Variants in PTPRN2 observed in about 807,000 individuals in gnomAD.
PTPRN2 encodes the protein receptor-type tyrosine-protein phosphatase N2.
PTPRN2 carries 74 observed loss-of-function variants against 118.8 expected under a neutral mutation model. The ratio of observed to expected loss-of-function variants is 0.62; its 90% CI spans 0.52 to 0.76. The LOEUF (loss-of-function observed/expected upper bound fraction) is 0.76. PTPRN2 is among the 30% of genes least tolerant of loss of function. The pLI is 0.00. For missense variants in PTPRN2, 1,481 were observed against 1,394.4 expected, an observed-to-expected ratio of 1.06 and a Z score of -0.99; for synonymous variants, 641 against 608.0, an observed-to-expected ratio of 1.05 and a Z score of -0.80.
In PTPRN2 at chr7:158,555,623, G is replaced by C. The variant is rs1189541770; in HGVS notation, c.112+31935C>G. Among the ~76,000 whole-genome samples, 1 of 152,098 alleles carries C rather than the reference G, an allele frequency of 6.6e-6. No homozygotes were observed. Among genetic ancestry groups the C allele is most frequent in the Non-Finnish European group, 1.5e-5 (1 of 68,012 alleles). Reference sequence around the variant, plus strand: ...TGTCCCCCAGACCCAGCCTCCCTCAGCTCCCATGGCAGGGTTAGGGGCACA... The same window carrying C: ...TGTCCCCCAGACCCAGCCTCCCTCACCTCCCATGGCAGGGTTAGGGGCACA... On this transcript the variant is annotated intron_variant, in intron 1 of 22. Coordinates refer to ENST00000389418, the MANE Select transcript of PTPRN2 (RefSeq NM_002847.5). The surrounding 1 kb of genome is among the most constrained non-coding windows in gnomAD (Gnocchi z 4.7).
At chr7:158,479,419 G>A (rs1004808940) in intron 2 of PTPRN2, among the ~76,000 whole-genome samples, 2 of 152,104 alleles carry the variant, frequency 1.3e-5, no homozygotes, top group Non-Finnish European at 2.9e-5. Context: ...CAGAGTGAAC[G>A]CTTCCGTTGG....
chr7:157,952,847 C>A (rs1179285631), intron 11 of PTPRN2, among the ~76,000 whole-genome samples: 1 of 152,148 alleles, frequency 6.6e-6, no homozygotes, highest in Non-Finnish European at 1.5e-5. Context: ...CAGGTGGAAA[C>A]ATTCACAGTG....
At chr7:157,551,001 G>A (rs1286695330) in intron 21 of PTPRN2, among the ~76,000 whole-genome samples, 7 of 152,158 alleles carry the variant, frequency 4.6e-5, no homozygotes, top group African/African-American at 1.4e-4. Flanking sequence ...CCCCTCCTGC[G>A]GCCATGACTG....
At position 157,595,936 on chromosome 7, in the gene PTPRN2, G is replaced by A. The variant is rs565987456; in HGVS notation, c.2419-621C>T. ...AGTAGCCCAAGGAGGGCAGGCAGCCGTTGTTAGCCCACTCAGCAGGTGCGA... is the reference window on the plus strand; with the variant it reads ...AGTAGCCCAAGGAGGGCAGGCAGCCATTGTTAGCCCACTCAGCAGGTGCGA... On this transcript the variant is annotated intron_variant, in intron 16 of 22. Transcript: ENST00000389418. 5.3e-5 allele frequency among the ~76,000 whole-genome samples: 8 copies of A among 152,328 alleles called. No individual in the cohort carries two copies. In the East Asian group the frequency reaches 5.8e-4, roughly 11 times the overall value.
At chr7:158,019,469 G>A (rs1806705955) in intron 11 of PTPRN2, among the ~76,000 whole-genome samples, 2 of 152,254 alleles carry the variant, frequency 1.3e-5, no homozygotes, top group African/African-American at 2.4e-5. Flanking sequence ...CGCGGTAGAG[G>A]CCAGGGATGG....
In PTPRN2 at chr7:157,785,790, G is replaced by C. The variant is rs1173799638; in HGVS notation, c.1789-102853C>G. On this transcript the variant is annotated intron_variant, in intron 12 of 22. Coordinates refer to ENST00000389418, the MANE Select transcript of PTPRN2 (RefSeq NM_002847.5). This position sits in a 1 kb window ranked among gnomAD's most constrained non-coding sequence, Gnocchi z 7.3. ...CACAGTCTAGCAGCTGCCACGCCCGGCTGGGAGCTGAGACGCGCAGGGGGC... is the reference window on the plus strand; with the variant it reads ...CACAGTCTAGCAGCTGCCACGCCCGCCTGGGAGCTGAGACGCGCAGGGGGC... Among the ~76,000 whole-genome samples the C allele has an allele frequency of 6.6e-6, 1 of 152,172 alleles. No homozygotes were observed. Among genetic ancestry groups the C allele is most frequent in the Non-Finnish European group, 1.5e-5 (1 of 68,022 alleles).
chr7:157,779,578 G>A lies in PTPRN2; in HGVS notation c.1789-96641C>T, dbSNP rs73165846. Among the ~76,000 whole-genome samples, 900 of 152,284 alleles carry A rather than the reference G, an allele frequency of 5.9e-3. 7 individuals are homozygous for A. Among genetic ancestry groups the A allele is most frequent in the Non-Finnish European group, 9.2e-3 (625 of 68,012 alleles). On this transcript the variant is annotated intron_variant, in intron 12 of 22. Transcript: ENST00000389418. The surrounding 1 kb of genome is among the most constrained non-coding windows in gnomAD (Gnocchi z 4.7). ...AGGGTGGGGGCGGCAGGCTGTCTCC[G>A]GTGCTTGCCTTCTCTGTCTAAATAA...
At chr7:158,410,566 C>T (rs1813963847) in intron 2 of PTPRN2, among the ~76,000 whole-genome samples, 1 of 152,194 alleles carries the variant, frequency 6.6e-6, no homozygotes, top group African/African-American at 2.4e-5. Flanking sequence ...AGGCTTTGAG[C>T]AAGGTGAGCC....
intron 12 of PTPRN2, among the ~76,000 whole-genome samples, chr7:157,760,865 T>C (rs149843207): frequency 0.099 from 14,998 of 152,158 alleles, 1,394 homozygotes; most frequent in East Asian, 0.22. Flanking sequence ...ACAGGGACAA[T>C]TTGACTTCCT....
At chr7:158,330,397 C>G (rs376450179) in intron 2 of PTPRN2, among the ~76,000 whole-genome samples, 3 of 47,978 alleles carry the variant, frequency 6.3e-5, no homozygotes, top group East Asian at 5.7e-4. Flanking sequence ...ACCATAAGAG[C>G]TGACACCTGC....
At chr7:158,325,629 T>C (rs888067962) in intron 2 of PTPRN2, among the ~76,000 whole-genome samples, 1 of 152,194 alleles carries the variant, frequency 6.6e-6, no homozygotes, top group Non-Finnish European at 1.5e-5. Context: ...CAAGAAGGGA[T>C]GGGCAGAAAA....
chr7:157,565,114 G>A (rs1030705344), intron 21 of PTPRN2, among the ~76,000 whole-genome samples: 23 of 152,322 alleles, frequency 1.5e-4, no homozygotes, highest in Middle Eastern at 6.8e-3. Flanking sequence ...CAGATTCGCG[G>A]AAACAAAGAA....
intron 2 of PTPRN2, among the ~76,000 whole-genome samples, chr7:158,341,551 G>A (rs796977786): frequency 9.5e-5 from 11 of 116,024 alleles, no homozygotes; most frequent in Non-Finnish European, 1.8e-4. Context: ...GACATCTGCA[G>A]ACGTCACTCA....
At chr7:157,553,422 G>A (rs186545650) in intron 21 of PTPRN2, among the ~76,000 whole-genome samples, 45 of 152,294 alleles carry the variant, frequency 3.0e-4, no homozygotes, top group African/African-American at 9.6e-4. Context: ...CTCTCCCTCC[G>A]CGTGCACTGA....
At chr7:158,560,089 T>C (rs1324746231) in intron 1 of PTPRN2, among the ~76,000 whole-genome samples, 1 of 152,242 alleles carries the variant, frequency 6.6e-6, no homozygotes, top group Non-Finnish European at 1.5e-5. Context: ...ACAGCATTTG[T>C]CCTTTTAGGA....
intron 1 of PTPRN2, among the ~76,000 whole-genome samples, chr7:158,559,709 T>G (rs1827257131): frequency 6.6e-6 from 1 of 152,048 alleles, no homozygotes; most frequent in Non-Finnish European, 1.5e-5. Flanking sequence ...GTGATGTCAG[T>G]AAAGAATGGA....
chr7:158,556,532 G>A (rs546381918), intron 1 of PTPRN2, among the ~76,000 whole-genome samples: 59 of 148,840 alleles, frequency 4.0e-4, no homozygotes, highest in Non-Finnish European at 7.0e-4. Context: ...CAGCCTGGGC[G>A]ACAGAGCAAA....
intron 2 of PTPRN2, among the ~76,000 whole-genome samples, chr7:158,366,389 CA>C (rs1809521815): frequency 4.9e-4 from 2 of 4,118 alleles, no homozygotes; most frequent in African/African-American, 7.0e-4. Flanking sequence ...CACACACACC[CA>C]CACACCCACA....
intron 2 of PTPRN2, among the ~76,000 whole-genome samples, chr7:158,333,936 G>A (rs1387882392): frequency 5.3e-5 from 4 of 75,166 alleles, no homozygotes; most frequent in Non-Finnish European, 7.5e-5. Context: ...CTCACCATAA[G>A]AGCTGTCGCC....
Sources: allele counts gnomAD v4.1 joint callset (sites outside exome capture counted in the v4.1 genomes callset), GRCh38; gene constraint gnomAD v4.1.1; non-coding constraint Gnocchi (gnomAD v3.1); transcripts MANE v1.5; gene names NCBI Gene and HGNC (gene_info 2026-07-23, HGNC 2026-07-21).